Variants in DLG5 observed in about 807,000 individuals in gnomAD.
DLG5 encodes disks large homolog 5.
In DLG5, 48 loss-of-function variants were observed where a neutral mutation model predicts 189.8. The ratio of observed to expected loss-of-function variants is 0.25; its 90% confidence interval spans 0.20 to 0.32. DLG5 has a LOEUF of 0.32. Ranked by LOEUF, DLG5 falls within the 10% of genes least tolerant of loss-of-function variation. DLG5 has a pLI of 1.00. For synonymous variants in DLG5, 1,016 were observed against 1,054.1 expected, an observed-to-expected ratio of 0.96 and a Z score of 0.70; for missense variants, 2,160 against 2,544.7, an observed-to-expected ratio of 0.85 and a Z score of 3.25.
intron 1 of DLG5, among the ~76,000 whole-genome samples, chr10:77,881,016 A>G (rs1035585770): frequency 2.6e-5 from 3 of 117,566 alleles, no homozygotes; most frequent in African/African-American, 1.0e-4. Context: ...TCTGTCACCC[A>G]GGCTGGAGTG....
At chr10:77,905,015 G>A (rs1399269632) in intron 1 of DLG5, among the ~76,000 whole-genome samples, 3 of 151,844 alleles carry the variant, frequency 2.0e-5, no homozygotes, top group African/African-American at 7.2e-5. Flanking sequence ...TGTAATCCCA[G>A]CTACTCGGGA....
chr10:77,805,596 TGTG>T lies in DLG5; in HGVS notation c.5164+66_5164+68del, dbSNP rs900044158. The T allele has an allele frequency of 2.0e-6, 3 of 1,495,264 alleles. No homozygotes were observed. The African/African-American group carries it at 4.2e-5, about 21-fold the overall frequency. 92.6% of individuals were successfully genotyped at this position (1,495,264 alleles called of 1,614,324 possible). A position where few individuals can be genotyped will look rare whatever the true frequency, so the allele number is the denominator to read the frequency against. On this transcript the variant is annotated intron_variant, in intron 27 of 31. Transcript: ENST00000372391. ...GACTCTCTTTTGTTTAAGTCCCTGT[TGTG>T]GAGCTCCTGGATCCACAGCAAGCCC...
intron 8 of DLG5, among the ~76,000 whole-genome samples, chr10:77,834,772 C>T (rs1312783398): frequency 1.3e-5 from 2 of 152,114 alleles, no homozygotes; most frequent in East Asian, 3.9e-4. Flanking sequence ...CCTGGAGACA[C>T]CCGTGGAAGG....
At chr10:77,891,785 G>A (rs962154739) in intron 1 of DLG5, among the ~76,000 whole-genome samples, 1 of 152,202 alleles carries the variant, frequency 6.6e-6, no homozygotes, top group Non-Finnish European at 1.5e-5. Context: ...AGGTGGCTGA[G>A]GGCTGGTGTG....
Position 77,821,224 on chromosome 10 carries a change from T to C in DLG5, c.3260A>G (p.His1087Arg). ...YYPEGDGDSS[H>R]LPAKKSCDED... ...ATCACAGGATTTCTTGGCCGGCAGG[T>C]GGGAGGAGTCCCCATCTCCTTCAGG... The change falls in exon 15 of 32, where the codon CAC becomes CGC. Residue 1087 changes from histidine (H) to arginine (R), a missense_variant. By Grantham distance (29) the His-to-Arg change is conservative. Coordinates refer to ENST00000372391, the MANE Select transcript of DLG5 (RefSeq NM_004747.4). 1 of 1,614,078 alleles carries C rather than the reference T, an allele frequency of 6.2e-7. No homozygotes were observed. Among genetic ancestry groups the C allele is most frequent in the East Asian group, 2.2e-5 (1 of 44,878 alleles).
intron 14 of DLG5, among the ~76,000 whole-genome samples, chr10:77,822,547 G>C (rs1028393982): frequency 2.0e-5 from 3 of 152,178 alleles, no homozygotes; most frequent in African/African-American, 4.8e-5. Flanking sequence ...GGGAGGCTGA[G>C]GCAGGAGAAT....
intron 20 of DLG5, among the ~76,000 whole-genome samples, chr10:77,812,934 A>G (rs1402683303): frequency 1.3e-5 from 2 of 152,258 alleles, no homozygotes; most frequent in Non-Finnish European, 2.9e-5. Flanking sequence ...GGGGCTGTAC[A>G]GTGCACCCAA....
intron 1 of DLG5, among the ~76,000 whole-genome samples, chr10:77,882,392 A>T (rs1845308981): frequency 6.6e-6 from 1 of 152,130 alleles, no homozygotes. Context: ...TGGATGCTGA[A>T]AGTGCTTCGT....
intron 1 of DLG5, among the ~76,000 whole-genome samples, chr10:77,884,598 C>T (rs1845383284): frequency 6.6e-6 from 1 of 152,208 alleles, no homozygotes; most frequent in African/African-American, 2.4e-5. Flanking sequence ...TTAAACTCTG[C>T]AATCTAATCT....
At chr10:77,872,162 C>T (rs1023391711) in intron 1 of DLG5, among the ~76,000 whole-genome samples, 6 of 152,204 alleles carry the variant, frequency 3.9e-5, no homozygotes, top group Non-Finnish European at 8.8e-5. Flanking sequence ...TCCCAGCTTA[C>T]GACACTGGCA....
At chr10:77,857,475 C>A (rs1844292038) in intron 2 of DLG5, among the ~76,000 whole-genome samples, 1 of 152,208 alleles carries the variant, frequency 6.6e-6, no homozygotes, top group South Asian at 2.1e-4. Context: ...CCCAACCAGC[C>A]CAGGCGTGCA....
chr10:77,830,166 C>G (rs1842831656), intron 11 of DLG5, 51 bp downstream of exon 11: 1 of 1,610,590 alleles, frequency 6.2e-7, no homozygotes, highest in East Asian at 2.2e-5. Flanking sequence ...GTCCTCTGCA[C>G]TGGGAAGAAG....
rs758483656 is a variant in DLG5 at position 77,833,974 on chromosome 10, C to T, written c.1688G>A (p.Arg563His). The T allele has an allele frequency of 5.6e-6, 9 of 1,607,580 alleles. No individual in the cohort carries two copies. Among genetic ancestry groups the T allele is most frequent in the Admixed American group, 3.3e-5 (2 of 59,984 alleles). The change falls in exon 9 of 32, where the codon CGC (arginine) becomes CAC (histidine). Residue 563 changes from arginine (R) to histidine (H), a missense_variant. By Grantham distance (29) the Arg-to-His change is conservative. Around this residue, in one of 5 missense-constraint regions of DLG5, gnomAD observed 664 missense variants for 838.5 expected, o/e 0.79. Coordinates refer to ENST00000372391, the MANE Select transcript of DLG5 (RefSeq NM_004747.4). ...CTGCTTGCGGGTGTCATCCAGGCTGCGCAGGGCCTCAGCCAGCTCGCTCAC... is the reference window on the plus strand; with the variant it reads ...CTGCTTGCGGGTGTCATCCAGGCTGTGCAGGGCCTCAGCCAGCTCGCTCAC... Reference protein sequence around the residue: ...RAVSELAEALRSLDDTRKQKN... With the variant: ...RAVSELAEALHSLDDTRKQKN...
At chr10:77,820,350 G>GGAAA (rs1555548279) in intron 15 of DLG5, 6 of 143,680 alleles carry the variant, frequency 4.2e-5, no homozygotes, top group South Asian at 2.0e-4. Context: ...CATCTTAGGG[G>GGAAA]AAAAAAAAAA....
chr10:77,840,458 T>C (rs1174573124), intron 7 of DLG5, among the ~76,000 whole-genome samples: 2 of 150,272 alleles, frequency 1.3e-5, no homozygotes, highest in African/African-American at 4.9e-5. Context: ...TGAATTATAC[T>C]TGTAATCCCA....
At chr10:77,881,741 G>A (rs556769725) in intron 1 of DLG5, among the ~76,000 whole-genome samples, 8 of 152,242 alleles carry the variant, frequency 5.3e-5, no homozygotes, top group South Asian at 2.1e-4. Context: ...CTGTCCCTTC[G>A]TGCCACACCA....
intron 2 of DLG5, chr10:77,866,772 G>A (rs1414891009): frequency 5.6e-6 from 2 of 354,692 alleles, no homozygotes; most frequent in South Asian, 2.1e-5. Flanking sequence ...CCCATGTACT[G>A]GCTGACCTCA....
intron 5 of DLG5, among the ~76,000 whole-genome samples, chr10:77,847,385 C>T (rs1843748341): frequency 6.6e-6 from 1 of 152,112 alleles, no homozygotes; most frequent in Non-Finnish European, 1.5e-5. Context: ...TCACTCTAGC[C>T]TTGGAGTCAA....
At chr10:77,906,617 C>CTTTT (rs35116526) in intron 1 of DLG5, among the ~76,000 whole-genome samples, 4 of 102,170 alleles carry the variant, frequency 3.9e-5, no homozygotes, top group Admixed American at 1.2e-4. Context: ...CTGCGCTCCA[C>CTTTT]TTTTTTTTTT....
Sources: gnomAD v4.1 joint callset for allele counts (sites outside exome capture counted in the v4.1 genomes callset) on GRCh38, gnomAD v4.1.1 for gene constraint, gnomAD v4.1.1 regional missense constraint, MANE v1.5 for transcripts, NCBI Gene and HGNC (gene_info 2026-07-23, HGNC 2026-07-21) for gene names.